The following MKLN1 variants were observed in gnomAD, a reference collection of about 807,000 sequenced individuals.
The protein encoded by MKLN1 is muskelin 1.
A neutral mutation model predicts 99.0 loss-of-function variants in MKLN1; 18 were observed. The observed-to-expected ratio is 0.18, with a 90% CI of 0.13 to 0.27. The LOEUF (loss-of-function observed/expected upper bound fraction) is 0.27. Ranked by LOEUF, MKLN1 falls within the 10% of genes least tolerant of loss-of-function variation. MKLN1 has a pLI of 1.00. For synonymous variants in MKLN1, 288 were observed against 293.2 expected (o/e 0.98, Z 0.18); for missense variants, 621 against 875.9 (o/e 0.71, Z 3.67).
At chr7:131,368,370 A>T (rs1347924150) in intron 1 of MKLN1, among the ~76,000 whole-genome samples, 1 of 152,234 alleles carries the variant, frequency 6.6e-6, no homozygotes, top group African/African-American at 2.4e-5. Context: ...ATGGTGTGTT[A>T]GTACGTTCTC....
intron 3 of MKLN1, among the ~76,000 whole-genome samples, chr7:131,230,548 C>A (rs926586052): frequency 3.9e-5 from 6 of 152,204 alleles, no homozygotes; most frequent in Non-Finnish European, 8.8e-5. Context: ...AACCCCAGTT[C>A]TGGGAAGGCT....
chr7:131,417,676 A>G (rs2116363610), intron 8 of MKLN1, among the ~76,000 whole-genome samples: 1 of 152,240 alleles, frequency 6.6e-6, no homozygotes. Context: ...TTTACGTTCA[A>G]AAAATATGTT....
At chr7:131,298,622 T>A (rs778379816) in intron 3 of MKLN1, among the ~76,000 whole-genome samples, 1 of 152,212 alleles carries the variant, frequency 6.6e-6, no homozygotes, top group Non-Finnish European at 1.5e-5. Context: ...TTGTTTACAG[T>A]TTTCAAGTCA....
At chr7:131,442,260 GAAAATA>G (rs1360639958) in intron 10 of MKLN1, among the ~76,000 whole-genome samples, 1 of 152,130 alleles carries the variant, frequency 6.6e-6, no homozygotes, top group African/African-American at 2.4e-5. Flanking sequence ...TTAAAATTAT[GAAAATA>G]GCCAGGCACG....
At chr7:131,335,396 A>G (rs142456768) in intron 1 of MKLN1, among the ~76,000 whole-genome samples, 1 of 152,288 alleles carries the variant, frequency 6.6e-6, no homozygotes, top group African/African-American at 2.4e-5. Context: ...AAGTATACAA[A>G]GAGAAAGGAA....
intron 2 of MKLN1, among the ~76,000 whole-genome samples, chr7:131,151,341 CT>C (rs150377850): frequency 0.033 from 5,060 of 152,180 alleles, 275 homozygotes; most frequent in African/African-American, 0.11. Flanking sequence ...ACCTGAGGTG[CT>C]GGATTTCAGC....
chr7:131,434,529 T>C (rs1012185022), intron 9 of MKLN1, among the ~76,000 whole-genome samples: 7 of 152,204 alleles, frequency 4.6e-5, no homozygotes, highest in African/African-American at 1.7e-4. Context: ...TTCTTTCTGT[T>C]CTCTTTTCCT....
intron 9 of MKLN1, among the ~76,000 whole-genome samples, chr7:131,429,704 A>G (rs1795466227): frequency 6.6e-6 from 1 of 151,956 alleles, no homozygotes; most frequent in Non-Finnish European, 1.5e-5. Flanking sequence ...TCAGCCTCCC[A>G]AGTAGCTGGG....
intron 1 of MKLN1, among the ~76,000 whole-genome samples, chr7:131,365,976 A>G (rs541569868): frequency 6.6e-6 from 1 of 152,340 alleles, no homozygotes; most frequent in African/African-American, 2.4e-5. Context: ...AAGAGTATAC[A>G]TGATACTTCG....
At chr7:131,139,777 A>G (rs1203358883) in intron 1 of MKLN1, among the ~76,000 whole-genome samples, 2 of 152,156 alleles carry the variant, frequency 1.3e-5, no homozygotes, top group Admixed American at 1.3e-4. Flanking sequence ...GCCTAGGGAC[A>G]GGGGTGGGTA....
chr7:131,154,263 A>T (rs1795932609), intron 2 of MKLN1, among the ~76,000 whole-genome samples: 2 of 151,878 alleles, frequency 1.3e-5, no homozygotes, highest in Admixed American at 1.3e-4. Flanking sequence ...CTTAGAATTC[A>T]CCTTGTTTTG....
At chr7:131,346,692 G>A (rs1799572647) in intron 1 of MKLN1, among the ~76,000 whole-genome samples, 1 of 152,172 alleles carries the variant, frequency 6.6e-6, no homozygotes, top group Admixed American at 6.5e-5. Context: ...ACCATTAACT[G>A]ACAGCAGTTT....
intron 8 of MKLN1, among the ~76,000 whole-genome samples, chr7:131,416,493 A>G (rs1008676731): frequency 1.3e-5 from 2 of 151,768 alleles, no homozygotes. Flanking sequence ...AATACTTACA[A>G]TAAAGTTATA....
chr7:131,463,394 C>T (rs1245295027), intron 13 of MKLN1, 30 bp downstream of exon 13: 2 of 1,586,404 alleles, frequency 1.3e-6, no homozygotes, highest in Non-Finnish European at 1.7e-6. Context: ...GCTGCAATCC[C>T]AATGTAATAA....
At chr7:131,304,818 G>T (rs1403960387) in intron 3 of MKLN1, among the ~76,000 whole-genome samples, 1 of 152,172 alleles carries the variant, frequency 6.6e-6, no homozygotes, top group African/African-American at 2.4e-5. Flanking sequence ...TTGAATGTTT[G>T]TGTCCCCTCC....
intron 10 of MKLN1, among the ~76,000 whole-genome samples, chr7:131,441,387 T>G (rs1179051879): frequency 6.6e-6 from 1 of 152,218 alleles, no homozygotes; most frequent in African/African-American, 2.4e-5. Context: ...AAAGTCATTT[T>G]CAGGTTCAAA....
At chr7:131,476,183 A>G (rs1796960851) in intron 16 of MKLN1, among the ~76,000 whole-genome samples, 1 of 152,206 alleles carries the variant, frequency 6.6e-6, no homozygotes, top group Admixed American at 6.5e-5. Flanking sequence ...ACCTGTGAAA[A>G]ACATACAGCT....
chr7:131,156,131 T>C (rs1795959673), intron 2 of MKLN1, among the ~76,000 whole-genome samples: 1 of 152,172 alleles, frequency 6.6e-6, no homozygotes, highest in African/African-American at 2.4e-5. Context: ...CAAAAGTCAT[T>C]GCGGGTTTTG....
chr7:131,337,572 A>G (rs1799285653), intron 1 of MKLN1, among the ~76,000 whole-genome samples: 3 of 152,050 alleles, frequency 2.0e-5, no homozygotes, highest in African/African-American at 2.4e-5. Flanking sequence ...ATAGATTCTA[A>G]TTATGTGAAA....
Sources: allele counts gnomAD v4.1 joint callset (sites outside exome capture counted in the v4.1 genomes callset), GRCh38; gene constraint gnomAD v4.1.1; transcripts MANE v1.5; gene names NCBI Gene and HGNC (gene_info 2026-07-23, HGNC 2026-07-21).